MALRD1: variants seen among roughly 807,000 people sequenced by gnomAD.
MALRD1 encodes the protein MAM and LDL receptor class A domain containing 1.
Under a neutral mutation model 242.1 loss-of-function variants are expected in MALRD1, and 247 were observed. That is an observed-to-expected ratio of 1.02 (90% CI 0.92 to 1.13). The LOEUF is 1.13. Ranked by LOEUF, MALRD1 falls within the 50% of genes most tolerant of loss-of-function variation. MALRD1 has a pLI of 0.00. For missense variants in MALRD1, 2,989 were observed against 2,533.1 expected (o/e 1.18, Z -3.86); for synonymous variants, 995 against 866.6 (o/e 1.15, Z -2.60).
intron 31 of MALRD1, among the ~76,000 whole-genome samples, chr10:19,506,147 C>T (rs183395553): frequency 2.4e-4 from 36 of 152,316 alleles, no homozygotes; most frequent in Middle Eastern, 3.4e-3. Flanking sequence ...TATTCATCCT[C>T]CCAATCACAG....
intron 36 of MALRD1, among the ~76,000 whole-genome samples, chr10:19,658,615 C>G (rs1032221071): frequency 4.6e-5 from 7 of 152,124 alleles, no homozygotes; most frequent in African/African-American, 9.7e-5. Flanking sequence ...TGGGCTATTT[C>G]TCTCCAGTTA....
intron 18 of MALRD1, among the ~76,000 whole-genome samples, chr10:19,253,841 C>G (rs770714950): frequency 2.2e-4 from 34 of 151,946 alleles, no homozygotes; most frequent in Non-Finnish European, 4.7e-4. Flanking sequence ...TGGTTTGGCT[C>G]TGTGTCCTCA....
In MALRD1 at chr10:19,136,633, G is replaced by A. The variant is rs1338285402; in HGVS notation, c.1263G>A (p.Trp421Ter). The A allele has an allele frequency of 2.4e-6, 3 of 1,231,358 alleles. No homozygotes were observed. Among genetic ancestry groups the A allele is most frequent in the African/African-American group, 3.1e-5 (2 of 64,324 alleles). 76.3% of individuals were successfully genotyped at this position (1,231,358 alleles called of 1,614,324 possible). The change falls in exon 10 of 40, where the codon TGG becomes TGA. Residue 421 changes from tryptophan to a stop codon, truncating the protein, a stop_gained. Coordinates refer to ENST00000454679, the MANE Select transcript of MALRD1 (RefSeq NM_001142308.3). LOFTEE classifies it high-confidence loss of function. Reference protein sequence around the residue: ...QRSFIALDHLWVYACGQTQSR... With the variant: ...QRSFIALDHL ...GTTTTATTGCCCTTGATCACCTCTG[G>A]GTCTATGCCTGTGGACAGACCCAAT...
At chr10:19,164,326 A>G (rs570975279) in intron 12 of MALRD1, among the ~76,000 whole-genome samples, 169 of 152,338 alleles carry the variant, frequency 1.1e-3, no homozygotes, top group Non-Finnish European at 1.7e-3. Context: ...CATCACTGGA[A>G]TTGGGTCCCA....
At chr10:19,328,490 T>G (rs2130911680) in intron 23 of MALRD1, among the ~76,000 whole-genome samples, 1 of 152,214 alleles carries the variant, frequency 6.6e-6, no homozygotes, top group East Asian at 1.9e-4. Flanking sequence ...AGGGATAAAA[T>G]TCTTGTTAAA....
intron 28 of MALRD1, among the ~76,000 whole-genome samples, chr10:19,404,035 T>A (rs1260477701): frequency 6.6e-6 from 1 of 152,092 alleles, no homozygotes; most frequent in Non-Finnish European, 1.5e-5. Context: ...TCTTGTGAGG[T>A]TTTTAAAAAA....
chr10:19,488,862 CAG>C (rs1837345298), intron 29 of MALRD1: 1 of 352,190 alleles, frequency 2.8e-6, no homozygotes, highest in African/African-American at 2.1e-5. Context: ...GACCTTCCTG[CAG>C]AGTTAGGATT....
In MALRD1 at chr10:19,734,259, T is replaced by C. The variant is rs1835406536; in HGVS notation, c.*22T>C. The C allele has an allele frequency of 4.6e-6, 7 of 1,517,902 alleles. No homozygotes were observed. Among genetic ancestry groups the C allele is most frequent in the Non-Finnish European group, 1.8e-6 (2 of 1,130,688 alleles). 94.0% of individuals were successfully genotyped at this position (1,517,902 alleles called of 1,614,324 possible). On this transcript the variant is annotated 3_prime_UTR_variant, in exon 40 of 40. Transcript: ENST00000454679. ...ATAGCAGCATCGAGACCAAGTCTGA[T>C]CCAACATGTGTAGTTTCTAGAAAAT...
intron 26 of MALRD1, among the ~76,000 whole-genome samples, chr10:19,373,536 AAAGG>A (rs1466143184): frequency 1.3e-5 from 2 of 151,954 alleles, no homozygotes; most frequent in South Asian, 4.2e-4. Context: ...GAAAGAAAGA[AAAGG>A]AAGGAAGGAA....
At chr10:19,629,109 C>A (rs1177019821) in intron 36 of MALRD1, among the ~76,000 whole-genome samples, 2 of 152,116 alleles carry the variant, frequency 1.3e-5, no homozygotes, top group Non-Finnish European at 2.9e-5. Flanking sequence ...ACCTAATTTC[C>A]CCTGTCTGCA....
chr10:19,183,271 A>G (rs1201569984), intron 14 of MALRD1, among the ~76,000 whole-genome samples: 1 of 152,174 alleles, frequency 6.6e-6, no homozygotes, highest in Non-Finnish European at 1.5e-5. Flanking sequence ...CACAGTGAAG[A>G]ATACAGAGAA....
chr10:19,353,642 T>C (rs1321544969), intron 26 of MALRD1, among the ~76,000 whole-genome samples: 1 of 152,168 alleles, frequency 6.6e-6, no homozygotes, highest in Non-Finnish European at 1.5e-5. Context: ...ATTTTAAGAC[T>C]GTAATGAAAG....
In MALRD1 at chr10:19,685,157, T is replaced by C. The variant is rs532863996; in HGVS notation, c.6138-7125T>C. Among the ~76,000 whole-genome samples, 5 of 152,306 alleles carry C rather than the reference T, an allele frequency of 3.3e-5. No individual in the cohort carries two copies. In the South Asian group the frequency reaches 1.0e-3, roughly 32 times the overall value. Reference sequence around the variant, plus strand: ...ATAAATGCCCAGGTGAGATTGCACATTTTTTACTTTCTAGGTCTGGAAAAA... The same window carrying C: ...ATAAATGCCCAGGTGAGATTGCACACTTTTTACTTTCTAGGTCTGGAAAAA... On this transcript the variant is annotated intron_variant, in intron 36 of 39. Coordinates refer to ENST00000454679, the MANE Select transcript of MALRD1 (RefSeq NM_001142308.3).
At chr10:19,240,436 A>G (rs1245905147) in intron 18 of MALRD1, among the ~76,000 whole-genome samples, 1 of 151,970 alleles carries the variant, frequency 6.6e-6, no homozygotes, top group Admixed American at 6.6e-5. Flanking sequence ...AACCTTAAAG[A>G]GAGAGAGATC....
At chr10:19,539,072 A>G (rs943316264) in intron 32 of MALRD1, among the ~76,000 whole-genome samples, 1 of 152,196 alleles carries the variant, frequency 6.6e-6, no homozygotes, top group Admixed American at 6.6e-5. Flanking sequence ...ATTTAGGAAG[A>G]TAGTAAAAGC....
At chr10:19,505,987 A>G (rs762642134) in intron 31 of MALRD1, among the ~76,000 whole-genome samples, 30 of 152,142 alleles carry the variant, frequency 2.0e-4, no homozygotes, top group Non-Finnish European at 3.5e-4. Context: ...ACCCACAAAG[A>G]TTCTTATTTA....
At chr10:19,335,940 G>T (rs545918664) in intron 24 of MALRD1, among the ~76,000 whole-genome samples, 1 of 152,102 alleles carries the variant, frequency 6.6e-6, no homozygotes, top group South Asian at 2.1e-4. Context: ...TTCTCCTAAT[G>T]CTGTCCCTCC....
intron 33 of MALRD1, among the ~76,000 whole-genome samples, chr10:19,581,063 G>T (rs1005152714): frequency 1.1e-4 from 16 of 152,044 alleles, no homozygotes; most frequent in Non-Finnish European, 2.2e-4. Context: ...AAGTAAAAAA[G>T]AAATTAATAT....
intron 30 of MALRD1, among the ~76,000 whole-genome samples, chr10:19,492,940 G>T (rs991932465): frequency 1.3e-5 from 2 of 151,776 alleles, no homozygotes; most frequent in Non-Finnish European, 2.9e-5. Flanking sequence ...TGCTTCCAAT[G>T]GGCTCATTTT....
Sources: gnomAD v4.1 joint callset for allele counts (sites outside exome capture counted in the v4.1 genomes callset) on GRCh38, gnomAD v4.1.1 for gene constraint, MANE v1.5 for transcripts, NCBI Gene and HGNC (gene_info 2026-07-23, HGNC 2026-07-21) for gene names.